NPHS1: variants seen among roughly 807,000 people sequenced by gnomAD.
NPHS1 encodes NPHS1 adhesion molecule, nephrin.
A neutral mutation model predicts 139.7 loss-of-function variants in NPHS1; 107 were observed. The observed-to-expected ratio is 0.77, with a 90% CI of 0.66 to 0.90. The LOEUF (loss-of-function observed/expected upper bound fraction) is 0.90. Ranked by LOEUF, NPHS1 falls within the 40% of genes least tolerant of loss-of-function variation. NPHS1 has a pLI of 0.00. For synonymous variants in NPHS1, 707 were observed against 706.6 expected (o/e 1.00, Z -0.01); for missense variants, 1,580 against 1,654.2 (o/e 0.96, Z 0.78).
At position 35,851,775 on chromosome 19, in the gene NPHS1, C is replaced by T. The variant is rs1220106606; in HGVS notation, c.58+5G>A. Reference sequence around the variant, plus strand: ...CGCTGGGTACAAGGCTGGGATCCCACTCACCTTCAGTCAGCAGCCCCAGGA... The same window carrying T: ...CGCTGGGTACAAGGCTGGGATCCCATTCACCTTCAGTCAGCAGCCCCAGGA... On this transcript the variant is annotated splice_donor_5th_base_variant and intron_variant, in intron 1 of 28. Coordinates refer to ENST00000378910, the MANE Select transcript of NPHS1 (RefSeq NM_004646.4). 1 of 1,553,986 alleles carries T rather than the reference C, an allele frequency of 6.4e-7. No individual in the cohort carries two copies. The highest frequency in any genetic ancestry group is 8.7e-7 in the Non-Finnish European group (1 of 1,148,392).
chr19:35,839,131 A>C (rs1973017267), intron 22 of NPHS1, 106 bp downstream of exon 22: 19 of 1,053,082 alleles, frequency 1.8e-5, no homozygotes, highest in South Asian at 2.6e-5. Flanking sequence ...CTTAACAGCT[A>C]TAGGCCTCAG....
intron 28 of NPHS1, among the ~76,000 whole-genome samples, chr19:35,827,454 C>A (rs888229253): frequency 6.6e-6 from 1 of 151,768 alleles, no homozygotes; most frequent in Non-Finnish European, 1.5e-5. Flanking sequence ...CAGACTGAGA[C>A]TATCTCAAAA....
rs757169332 is a variant in NPHS1 at position 35,839,255 on chromosome 19, G to A, written c.3091C>T (p.Leu1031Phe). The A allele has an allele frequency of 6.2e-7, 1 of 1,614,184 alleles. No individual in the cohort carries two copies. The highest frequency in any genetic ancestry group is 1.1e-5 in the South Asian group (1 of 91,074). ...TTCCCACCTGGGGTAGTGATGGGAA[G>A]CTGGGTCCCTTTGTCAGCCAGTCCA... ...DSGLADKGTQ[L>F]PITTPGLHQP... The change falls in exon 22 of 29, where the codon CTT (leucine) becomes TTT (phenylalanine). Residue 1031 changes from leucine (L) to phenylalanine (F), a missense_variant. Coordinates refer to ENST00000378910, the MANE Select transcript of NPHS1 (RefSeq NM_004646.4).
chr19:35,850,996 T>A lies in NPHS1; in HGVS notation c.491A>T (p.Asp164Val). ...GGTGATGTCAGGTGCTGGCTTCGCG[T>A]CCCCAGACACACAGTTGACCACGTA... ...QEYVVNCVSG[D>V]AKPAPDITIL... is the part of the protein sequence containing the mutation. Residue 164 changes from aspartate to valine, a missense_variant, in exon 4 of 29, where the codon GAC becomes GTC. By Grantham distance (152) the Asp-to-Val change is radical. Transcript: ENST00000378910. 1 of 1,614,084 alleles carries A rather than the reference T, an allele frequency of 6.2e-7. No homozygotes were observed. Among genetic ancestry groups the A allele is most frequent in the Non-Finnish European group, 8.5e-7 (1 of 1,179,994 alleles).
chr19:35,826,339 A>C lies in NPHS1; in HGVS notation c.*175T>G. 1.4e-6 allele frequency: 1 copy of C among 695,960 alleles called. No homozygotes were observed. Among genetic ancestry groups the C allele is most frequent in the Non-Finnish European group, 2.5e-6 (1 of 405,404 alleles). 43.1% of individuals were successfully genotyped at this position (695,960 alleles called of 1,614,324 possible). A position where few individuals can be genotyped will look rare whatever the true frequency, so the allele number is the denominator to read the frequency against. Reference sequence around the variant, plus strand: ...CAACCCCAGGATGCACCTTGTTTCTACTCTGGTACCAGCTGAACCATCTCT... The same window carrying C: ...CAACCCCAGGATGCACCTTGTTTCTCCTCTGGTACCAGCTGAACCATCTCT... On this transcript the variant is annotated 3_prime_UTR_variant, in exon 29 of 29. Transcript: ENST00000378910.
At chr19:35,828,178 G>A (rs1257829327) in intron 28 of NPHS1, among the ~76,000 whole-genome samples, 2 of 152,174 alleles carry the variant, frequency 1.3e-5, no homozygotes, top group African/African-American at 4.8e-5. Flanking sequence ...GCAAACTTTA[G>A]AGCAGATTGG....
At chr19:35,838,310 T>C (rs1339704762) in intron 22 of NPHS1, among the ~76,000 whole-genome samples, 1 of 152,110 alleles carries the variant, frequency 6.6e-6, no homozygotes, top group Non-Finnish European at 1.5e-5. Context: ...CTCAGCATTT[T>C]GGGAGGCCAA....
Position 35,844,376 on chromosome 19 carries a change from C to T in NPHS1, c.2014G>A (p.Ala672Thr), listed in dbSNP as rs1352354716. 2 of 1,612,872 alleles carry T rather than the reference C, an allele frequency of 1.2e-6. No homozygotes were observed. The highest frequency in any genetic ancestry group is 1.7e-6 in the Non-Finnish European group (2 of 1,179,638). Reference sequence around the variant, plus strand: ...TTGAAGGCCTCGGGGGCGGGGTTAGCGGACACGGACACGGGCAGCAACGCC... The same window carrying T: ...TTGAAGGCCTCGGGGGCGGGGTTAGTGGACACGGACACGGGCAGCAACGCC... ...GEALLPVSVSANPAPEAFNWT... is the reference protein window; with the variant it reads ...GEALLPVSVSTNPAPEAFNWT... The change falls in exon 15 of 29, where the codon GCT becomes ACT. Residue 672 changes from alanine (A) to threonine (T), a missense_variant. Transcript: ENST00000378910.
chr19:35,846,597 C>A (rs59582363), intron 11 of NPHS1, among the ~76,000 whole-genome samples: 6,807 of 152,292 alleles, frequency 0.045, 451 homozygotes, highest in East Asian at 0.15. Context: ...TTCCTCAGTT[C>A]CTTTTCTTAA....
At chr19:35,835,950 C>T (rs927450939) in intron 22 of NPHS1, among the ~76,000 whole-genome samples, 189 bp from the exon 23 acceptor site, 3 of 147,860 alleles carry the variant, frequency 2.0e-5, no homozygotes, top group Admixed American at 6.9e-5. Context: ...CTAATGGTAA[C>T]GCTAATGCTA....
At chr19:35,837,782 A>C (rs1327998876) in intron 22 of NPHS1, among the ~76,000 whole-genome samples, 1 of 151,930 alleles carries the variant, frequency 6.6e-6, no homozygotes, top group Non-Finnish European at 1.5e-5. Context: ...TTGTATTTTC[A>C]GTAGAGACAG....
intron 20 of NPHS1, 125 bp from the exon 21 acceptor site, chr19:35,839,732 G>A: frequency 1.3e-6 from 1 of 768,314 alleles, no homozygotes; most frequent in Non-Finnish European, 2.2e-6. Flanking sequence ...GCATACTCAT[G>A]TTCTGTAAGG....
At position 35,839,252 on chromosome 19, in the gene NPHS1, G is replaced by A. The variant is rs763951292; in HGVS notation, c.3094C>T (p.Pro1032Ser). The A allele has an allele frequency of 1.2e-6, 2 of 1,614,194 alleles. No individual in the cohort carries two copies. Among genetic ancestry groups the A allele is most frequent in the Non-Finnish European group, 1.7e-6 (2 of 1,180,040 alleles). The change falls in exon 22 of 29, where the codon CCC (proline) becomes TCC (serine). Residue 1032 changes from proline (P) to serine (S), a missense_variant. Coordinates refer to ENST00000378910, the MANE Select transcript of NPHS1 (RefSeq NM_004646.4). ...SGLADKGTQL[P>S]ITTPGLHQPS... ...CCCTTCCCACCTGGGGTAGTGATGGGAAGCTGGGTCCCTTTGTCAGCCAGT... is the reference window on the plus strand; with the variant it reads ...CCCTTCCCACCTGGGGTAGTGATGGAAAGCTGGGTCCCTTTGTCAGCCAGT...
Position 35,837,587 on chromosome 19 carries a change from TTCTC to T in NPHS1, c.3109+1646_3109+1649del, listed in dbSNP as rs58943001. Among the ~76,000 whole-genome samples the T allele has an allele frequency of 6.8e-4, 102 of 149,252 alleles. No homozygotes were observed. The East Asian group carries it at 0.01, about 15-fold the overall frequency. ...GTTCGTCTTTTATTAGCTTCTTTCT[TTCTC>T]TCTCTCTCTCTCTCTCTCTTTCTTT... On this transcript the variant is annotated intron_variant, in intron 22 of 28. Coordinates refer to ENST00000378910, the MANE Select transcript of NPHS1 (RefSeq NM_004646.4).
At chr19:35,828,584 G>A (rs2146805070) in intron 28 of NPHS1, among the ~76,000 whole-genome samples, 1 of 152,152 alleles carries the variant, frequency 6.6e-6, no homozygotes, top group African/African-American at 2.4e-5. Context: ...TTTTTTAATT[G>A]TTGGGAAAAA....
Position 35,851,688 on chromosome 19 carries a change from G to T in NPHS1, c.59-16C>A. 1.2e-6 allele frequency: 2 copies of T among 1,605,210 alleles called. No individual in the cohort carries two copies. Among genetic ancestry groups the T allele is most frequent in the East Asian group, 4.5e-5 (2 of 44,390 alleles). ...TGCGCCAGGCCTGAGGACACAGCGC[G>T]GTGCAAGGAAAGGGCAGAGGGTTTG... On this transcript the variant is annotated splice_polypyrimidine_tract_variant and intron_variant, in intron 1 of 28. Coordinates refer to ENST00000378910, the MANE Select transcript of NPHS1 (RefSeq NM_004646.4).
At chr19:35,844,929 G>C (rs903756596) in intron 14 of NPHS1, among the ~76,000 whole-genome samples, 6 of 151,872 alleles carry the variant, frequency 4.0e-5, no homozygotes, top group Non-Finnish European at 7.4e-5. Flanking sequence ...GTTCAAGATC[G>C]GCCCGGGCAA....
intron 17 of NPHS1, among the ~76,000 whole-genome samples, chr19:35,842,775 C>A (rs1911407129): frequency 1.3e-5 from 2 of 152,298 alleles, no homozygotes; most frequent in South Asian, 4.1e-4. Flanking sequence ...ACCACTTATG[C>A]TTGGAACCAT....
Position 35,849,149 on chromosome 19 carries a change from T to C in NPHS1, c.841-2A>G. 6.2e-7 allele frequency: 1 copy of C among 1,611,158 alleles called. No homozygotes were observed. Among genetic ancestry groups the C allele is most frequent in the African/African-American group, 1.3e-5 (1 of 75,070 alleles). ...CGCTGTGGACACCGGCTGGCCATTC[T>C]GGAGACAGGGACAGGCCTGGGCCAG... On this transcript the variant is annotated splice_acceptor_variant, in intron 7 of 28. Transcript: ENST00000378910. LOFTEE classifies it high-confidence loss of function.
Sources: allele counts gnomAD v4.1 joint callset (sites outside exome capture counted in the v4.1 genomes callset), GRCh38; gene constraint gnomAD v4.1.1; transcripts MANE v1.5; gene names NCBI Gene and HGNC (gene_info 2026-07-23, HGNC 2026-07-21).